SPTLC1: variants seen among roughly 807,000 people sequenced by gnomAD.
SPTLC1 encodes the protein serine palmitoyltransferase long chain base subunit 1.
Under a neutral mutation model 68.9 loss-of-function variants are expected in SPTLC1, and 55 were observed. The ratio of observed to expected loss-of-function variants is 0.80; its 90% CI spans 0.64 to 1.00. The LOEUF (loss-of-function observed/expected upper bound fraction) is 1.00, where lower values mean the gene tolerates loss of function less well. Among genes scored for constraint, SPTLC1 ranks in the 50% least tolerant of loss-of-function variants. The pLI, the probability that SPTLC1 is intolerant of heterozygous loss-of-function variation, is 0.00. For synonymous variants in SPTLC1, 197 were observed against 201.6 expected (o/e 0.98, Z 0.19); for missense variants, 449 against 573.1 (o/e 0.78, Z 2.21).
chr9:92,049,112 T>C (rs1160223991), intron 9 of SPTLC1, among the ~76,000 whole-genome samples: 2 of 152,208 alleles, frequency 1.3e-5, no homozygotes, highest in Non-Finnish European at 2.9e-5. Context: ...TCAGTCTGCC[T>C]TGGAGGAGGT....
chr9:92,034,802 C>G lies in SPTLC1; in HGVS notation c.1328+8G>C, dbSNP rs1486801338. ...AAAAAATAAGGTCATATTTTAACGT[C>G]AACTGACCTGGGAGGAGGGAGACAC... On this transcript the variant is annotated splice_region_variant and intron_variant, in intron 14 of 14. Coordinates refer to ENST00000262554, the MANE Select transcript of SPTLC1 (RefSeq NM_006415.4). 13 of 1,612,872 alleles carry G rather than the reference C, an allele frequency of 8.1e-6. No homozygotes were observed. The highest frequency in any genetic ancestry group is 1.0e-5 in the Non-Finnish European group (12 of 1,178,994).
At chr9:92,042,141 A>G (rs1833372178) in intron 12 of SPTLC1, among the ~76,000 whole-genome samples, 1 of 152,228 alleles carries the variant, frequency 6.6e-6, no homozygotes, top group South Asian at 2.1e-4. Context: ...GAATAATTCA[A>G]TAAAAGCTAC....
At chr9:92,079,209 G>A in intron 5 of SPTLC1, 1 of 374,496 alleles carries the variant, frequency 2.7e-6, no homozygotes, top group Non-Finnish European at 4.3e-6. Context: ...CCACGTAGCT[G>A]GGATTACAGG....
At chr9:92,114,987 A>G in intron 1 of SPTLC1, 1 of 438,676 alleles carries the variant, frequency 2.3e-6, no homozygotes, top group Non-Finnish European at 4.2e-6. Flanking sequence ...CATTTTCACC[A>G]CTCCGTTTTA....
chr9:92,109,061 C>G (rs1339582643), intron 2 of SPTLC1: 2 of 467,248 alleles, frequency 4.3e-6, no homozygotes, highest in Non-Finnish European at 7.8e-6. Context: ...TAGCCCTTGA[C>G]CACTAACAGG....
chr9:92,054,255 T>C (rs1216078102), intron 8 of SPTLC1, among the ~76,000 whole-genome samples: 2 of 152,194 alleles, frequency 1.3e-5, no homozygotes, highest in Non-Finnish European at 2.9e-5. Flanking sequence ...CACTCCAGCC[T>C]GGGCAACATA....
At chr9:92,055,368 C>A in intron 8 of SPTLC1, 37 bp downstream of exon 8, 2 of 1,611,958 alleles carry the variant, frequency 1.2e-6, no homozygotes, top group South Asian at 1.1e-5. Flanking sequence ...GTCAAATAGT[C>A]CAAATATTAA....
intron 12 of SPTLC1, among the ~76,000 whole-genome samples, chr9:92,041,026 T>A (rs1453597287): frequency 1.3e-5 from 2 of 152,162 alleles, no homozygotes; most frequent in African/African-American, 2.4e-5. Flanking sequence ...TATCATCTTA[T>A]CCCAGTGGAT....
At chr9:92,065,347 C>T (rs564072129) in intron 6 of SPTLC1, among the ~76,000 whole-genome samples, 1 of 152,256 alleles carries the variant, frequency 6.6e-6, no homozygotes, top group South Asian at 2.1e-4. Flanking sequence ...TTTATCAAAA[C>T]CAATTTACCA....
At chr9:92,055,590 T>C in intron 7 of SPTLC1, 96 bp from the exon 8 acceptor site, 2 of 1,230,654 alleles carry the variant, frequency 1.6e-6, no homozygotes, top group Non-Finnish European at 2.3e-6. Flanking sequence ...CAAGATTTAT[T>C]CCTAAAAAAA....
rs768173756 is a variant in SPTLC1 at position 92,115,302 on chromosome 9, C to T, written c.57+12G>A. On this transcript the variant is annotated intron_variant, in intron 1 of 14. Transcript: ENST00000262554. ...GGGTGTGGTCGCGGACCGCTAATGG[C>T]GCGGAGCCCACCTCGTAAAGCGCCT... is the stretch of plus-strand genomic sequence containing the variant. 10 of 1,611,624 alleles carry T rather than the reference C, an allele frequency of 6.2e-6. No homozygotes were observed. Among genetic ancestry groups the T allele is most frequent in the East Asian group, 2.2e-5 (1 of 44,886 alleles).
chr9:92,109,120 C>T (rs1836125210), intron 2 of SPTLC1: 1 of 294,724 alleles, frequency 3.4e-6, no homozygotes, highest in African/African-American at 2.2e-5. Flanking sequence ...TAGGATTTCA[C>T]TTTAATTCTA....
intron 12 of SPTLC1, among the ~76,000 whole-genome samples, chr9:92,039,095 T>A (rs1316241020): frequency 6.6e-6 from 1 of 152,178 alleles, no homozygotes; most frequent in East Asian, 1.9e-4. Context: ...TGCAGTGAGC[T>A]GAGATTGTGC....
intron 1 of SPTLC1, among the ~76,000 whole-genome samples, chr9:92,114,745 A>C (rs1836378993): frequency 6.9e-6 from 1 of 145,568 alleles, no homozygotes; most frequent in Non-Finnish European, 1.5e-5. Flanking sequence ...CAAAAAAAAA[A>C]AACAAAAATA....
intron 3 of SPTLC1, among the ~76,000 whole-genome samples, chr9:92,103,021 T>C (rs941697986): frequency 1.3e-5 from 2 of 152,250 alleles, no homozygotes; most frequent in African/African-American, 4.8e-5. Flanking sequence ...ATGTTTGTCA[T>C]ATTTTAATCC....
intron 13 of SPTLC1, among the ~76,000 whole-genome samples, 161 bp downstream of exon 13, chr9:92,038,087 G>A (rs1833206740): frequency 6.6e-6 from 1 of 152,196 alleles, no homozygotes. Flanking sequence ...AGGACCTGGA[G>A]GATTAGGATT....
chr9:92,081,133 T>C (rs898396159), intron 3 of SPTLC1, among the ~76,000 whole-genome samples, 170 bp from the exon 4 acceptor site: 7 of 152,182 alleles, frequency 4.6e-5, no homozygotes, highest in African/African-American at 1.4e-4. Context: ...ACATTAAAAA[T>C]AAGATATTTT....
chr9:92,073,182 CTTTCCCAAATCAGTCAGCATTCAGGCTCT>C (rs1422772589), intron 5 of SPTLC1, among the ~76,000 whole-genome samples: 1 of 152,170 alleles, frequency 6.6e-6, no homozygotes, highest in East Asian at 1.9e-4. Flanking sequence ...TATATCTGAC[CTTTCCCAAATCAGTCAGCATTCAGGCTCT>C]TTTCCGTCAG....
intron 5 of SPTLC1, among the ~76,000 whole-genome samples, chr9:92,072,704 A>G (rs1332705507): frequency 1.3e-5 from 2 of 152,114 alleles, no homozygotes; most frequent in Admixed American, 1.3e-4. Context: ...AAATTAGACA[A>G]TGGCTCTCAG....
Sources: gnomAD v4.1 joint callset for allele counts (sites outside exome capture counted in the v4.1 genomes callset) on GRCh38, gnomAD v4.1.1 for gene constraint, MANE v1.5 for transcripts, NCBI Gene and HGNC (gene_info 2026-07-23, HGNC 2026-07-21) for gene names.